PDZD2: variants seen among roughly 807,000 people sequenced by gnomAD.
PDZD2 encodes PDZ domain containing 2.
A neutral mutation model predicts 220.7 loss-of-function variants in PDZD2; 90 were observed. The observed-to-expected ratio is 0.41, with a 90% CI of 0.34 to 0.49. The LOEUF (loss-of-function observed/expected upper bound fraction) is 0.49, where lower values mean the gene tolerates loss of function less well. Among genes scored for constraint, PDZD2 ranks in the 20% least tolerant of loss-of-function variants. The probability of loss-of-function intolerance (pLI) is 0.28; values close to 1 mark genes in which losing one functional copy is unlikely to be tolerated. For missense variants in PDZD2, 3,174 were observed against 3,608.5 expected, an observed-to-expected ratio of 0.88 and a Z score of 3.08; for synonymous variants, 1,375 against 1,450.5, an observed-to-expected ratio of 0.95 and a Z score of 1.18.
At chr5:31,828,140 T>C (rs932010303) in intron 2 of PDZD2, among the ~76,000 whole-genome samples, 1 of 152,238 alleles carries the variant, frequency 6.6e-6, no homozygotes, top group Admixed American at 6.5e-5. Flanking sequence ...CTATTATGAA[T>C]CATGCTGTGA....
At chr5:31,727,164 G>A (rs115089864) in intron 1 of PDZD2, among the ~76,000 whole-genome samples, 13 of 152,158 alleles carry the variant, frequency 8.5e-5, no homozygotes, top group Non-Finnish European at 1.0e-4. Flanking sequence ...CCAGCGCTGG[G>A]GATTACATTT....
chr5:31,697,709 T>G (rs1747431762), intron 1 of PDZD2, among the ~76,000 whole-genome samples: 1 of 152,028 alleles, frequency 6.6e-6, no homozygotes, highest in South Asian at 2.1e-4. Flanking sequence ...ACGAAGCCCC[T>G]CCAGCTGCTC....
At chr5:31,802,287 T>G (rs1026311060) in intron 2 of PDZD2, among the ~76,000 whole-genome samples, 2 of 152,178 alleles carry the variant, frequency 1.3e-5, no homozygotes, top group Non-Finnish European at 2.9e-5. Flanking sequence ...AGACACTTTT[T>G]TATCTATCTG....
intron 2 of PDZD2, among the ~76,000 whole-genome samples, chr5:31,900,430 T>G (rs1490659275): frequency 1.3e-5 from 2 of 152,158 alleles, no homozygotes; most frequent in East Asian, 1.9e-4. Context: ...CTTCCTTACC[T>G]GAAGGGGATA....
At chr5:32,022,364 A>T (rs1242267475) in intron 6 of PDZD2, among the ~76,000 whole-genome samples, 5 of 137,400 alleles carry the variant, frequency 3.6e-5, no homozygotes, top group Non-Finnish European at 7.8e-5. Context: ...CTCACAGCTA[A>T]TTTTTTTTTT....
intron 2 of PDZD2, among the ~76,000 whole-genome samples, chr5:31,896,645 A>G (rs968977333): frequency 6.6e-6 from 1 of 152,168 alleles, no homozygotes; most frequent in African/African-American, 2.4e-5. Context: ...AATTTTTAAA[A>G]TTGTGTGTGT....
At chr5:31,981,037 C>T (rs557739098) in intron 2 of PDZD2, among the ~76,000 whole-genome samples, 1 of 152,154 alleles carries the variant, frequency 6.6e-6, no homozygotes, top group South Asian at 2.1e-4. Context: ...CCTCCTGCCT[C>T]GGCCTCCCAA....
chr5:32,002,804 AACCAC>A (rs1752310911), intron 5 of PDZD2, among the ~76,000 whole-genome samples: 1 of 109,504 alleles, frequency 9.1e-6, no homozygotes, highest in Non-Finnish European at 1.8e-5. Flanking sequence ...CCACCAACAC[AACCAC>A]CAACACACAC....
chr5:31,937,390 C>T (rs1211594884), intron 2 of PDZD2, among the ~76,000 whole-genome samples: 1 of 152,164 alleles, frequency 6.6e-6, no homozygotes, highest in East Asian at 1.9e-4. Flanking sequence ...AGCCTGAATC[C>T]TGGAACTGTT....
chr5:32,043,677 G>A (rs1397188691), intron 7 of PDZD2, among the ~76,000 whole-genome samples: 1 of 152,090 alleles, frequency 6.6e-6, no homozygotes, highest in Admixed American at 6.5e-5. Flanking sequence ...TCCCAGGCTG[G>A]AGCACGGTGG....
chr5:31,797,676 T>C (rs1185484942), intron 1 of PDZD2, among the ~76,000 whole-genome samples: 2 of 152,226 alleles, frequency 1.3e-5, no homozygotes, highest in East Asian at 1.9e-4. Flanking sequence ...AGATGATATT[T>C]GCTAAGCTTT....
At chr5:31,833,658 A>AAAGAGAAGAG (rs201130242) in intron 2 of PDZD2, among the ~76,000 whole-genome samples, 1 of 145,726 alleles carries the variant, frequency 6.9e-6, no homozygotes, top group African/African-American at 2.5e-5. Flanking sequence ...AAAGAAAAGA[A>AAAGAGAAGAG]AAGAAAAAAG....
In PDZD2 at chr5:31,770,370, T is replaced by C. The variant is rs147447468; in HGVS notation, c.-360-28519T>C. Among the ~76,000 whole-genome samples, 21 of 152,308 alleles carry C rather than the reference T, an allele frequency of 1.4e-4. No homozygotes were observed. In the East Asian group the frequency reaches 3.7e-3, roughly 27 times the overall value. ...AACCAATTGAATAGGATTCCCCATA[T>C]GTGCTTCAGAGAGAATTCATTTGCA... On this transcript the variant is annotated intron_variant, in intron 1 of 24. Coordinates refer to ENST00000438447, the MANE Select transcript of PDZD2 (RefSeq NM_178140.4).
intron 2 of PDZD2, among the ~76,000 whole-genome samples, chr5:31,972,520 T>G (rs1041884670): frequency 5.3e-5 from 8 of 152,166 alleles, no homozygotes; most frequent in Non-Finnish European, 8.8e-5. Flanking sequence ...CACTAGATTG[T>G]AAGCTCCACA....
chr5:31,809,683 A>G (rs1377744228), intron 2 of PDZD2, among the ~76,000 whole-genome samples: 1 of 152,240 alleles, frequency 6.6e-6, no homozygotes, highest in Non-Finnish European at 1.5e-5. Context: ...TTCTTTCAGA[A>G]AACTGGCAAA....
At chr5:31,709,758 C>G (rs932771153) in intron 1 of PDZD2, among the ~76,000 whole-genome samples, 4 of 152,184 alleles carry the variant, frequency 2.6e-5, no homozygotes, top group African/African-American at 9.7e-5. Context: ...GAGTTCAAGA[C>G]CAACCTGGCC....
intron 2 of PDZD2, among the ~76,000 whole-genome samples, chr5:31,806,648 C>T (rs554850838): frequency 6.6e-6 from 1 of 152,290 alleles, no homozygotes; most frequent in African/African-American, 2.4e-5. Flanking sequence ...ACTCTGGGGA[C>T]TTTCTGGAAT....
chr5:31,860,765 G>A (rs1236438009), intron 2 of PDZD2, among the ~76,000 whole-genome samples: 1 of 152,266 alleles, frequency 6.6e-6, no homozygotes, highest in South Asian at 2.1e-4. Context: ...GCTTCTGTAC[G>A]GAGTATTGGG....
chr5:31,894,578 T>C (rs1238617187), intron 2 of PDZD2, among the ~76,000 whole-genome samples: 1 of 152,164 alleles, frequency 6.6e-6, no homozygotes, highest in African/African-American at 2.4e-5. Flanking sequence ...ATACCAAGTA[T>C]ATTTTGCTTT....
Sources: allele counts gnomAD v4.1 joint callset (sites outside exome capture counted in the v4.1 genomes callset), GRCh38; gene constraint gnomAD v4.1.1; transcripts MANE v1.5; gene names NCBI Gene and HGNC (gene_info 2026-07-23, HGNC 2026-07-21).